Variants in SLC24A2 observed in about 807,000 individuals in gnomAD.
SLC24A2 encodes sodium/potassium/calcium exchanger 2.
SLC24A2 carries 36 observed loss-of-function variants against 62.0 expected under a neutral mutation model. The ratio of observed to expected loss-of-function variants is 0.58; its 90% CI spans 0.44 to 0.77. SLC24A2 has a LOEUF of 0.77. Among genes scored for constraint, SLC24A2 ranks in the 30% least tolerant of loss-of-function variants. The pLI is 0.00. For synonymous variants in SLC24A2, 358 were observed against 294.0 expected, an observed-to-expected ratio of 1.22 and a Z score of -2.23; for missense variants, 846 against 817.9, an observed-to-expected ratio of 1.03 and a Z score of -0.42.
intron 2 of SLC24A2, among the ~76,000 whole-genome samples, chr9:19,669,541 G>A (rs571664848): frequency 1.3e-5 from 2 of 152,316 alleles, no homozygotes; most frequent in South Asian, 4.1e-4. Context: ...ATCTTACATG[G>A]ATCTCACTGA....
At chr9:19,722,550 G>C (rs1417333813) in intron 2 of SLC24A2, among the ~76,000 whole-genome samples, 1 of 151,912 alleles carries the variant, frequency 6.6e-6, no homozygotes, top group Non-Finnish European at 1.5e-5. Flanking sequence ...AATCTTTAAA[G>C]GAATCATGGG....
At chr9:19,697,657 T>C (rs930163248) in intron 2 of SLC24A2, among the ~76,000 whole-genome samples, 2 of 152,194 alleles carry the variant, frequency 1.3e-5, no homozygotes, top group African/African-American at 4.8e-5. Flanking sequence ...AAATATTGTA[T>C]TATTATACCA....
intron 10 of SLC24A2, among the ~76,000 whole-genome samples, chr9:19,519,497 C>T (rs1011239303): frequency 1.3e-5 from 2 of 152,074 alleles, no homozygotes; most frequent in African/African-American, 4.8e-5. Context: ...AATATTTGGA[C>T]CACGGAACTG....
the SLC24A2 span, among the ~76,000 whole-genome samples, chr9:19,867,273 T>C: frequency 1.3e-5 from 2 of 152,192 alleles, no homozygotes; most frequent in African/African-American, 4.8e-5. Context: ...TTTCTTTAAG[T>C]AGCTTATAGA....
the SLC24A2 span, among the ~76,000 whole-genome samples, chr9:20,235,772 A>C: frequency 1.3e-5 from 2 of 152,224 alleles, no homozygotes; most frequent in Admixed American, 1.3e-4. Flanking sequence ...CAGTGAGATG[A>C]AACCAGTACC....
At chr9:19,834,386 T>G in the SLC24A2 span, among the ~76,000 whole-genome samples, 3 of 152,108 alleles carry the variant, frequency 2.0e-5, no homozygotes, top group Non-Finnish European at 4.4e-5. Flanking sequence ...TTAAAGGACC[T>G]GATGGAGCTG....
chr9:19,865,220 C>T, the SLC24A2 span, among the ~76,000 whole-genome samples: 1 of 152,054 alleles, frequency 6.6e-6, no homozygotes, highest in Non-Finnish European at 1.5e-5. Flanking sequence ...CATGTTCATG[C>T]ATTGGAACAA....
chr9:20,125,995 C>T, the SLC24A2 span, among the ~76,000 whole-genome samples: 1 of 152,182 alleles, frequency 6.6e-6, no homozygotes. Context: ...TTTTTCCTGC[C>T]ACTTCAGGGC....
chr9:20,055,110 G>A, the SLC24A2 span, among the ~76,000 whole-genome samples: 1 of 152,162 alleles, frequency 6.6e-6, no homozygotes, highest in African/African-American at 2.4e-5. Context: ...TGAGCATTCA[G>A]ACAGGCTCGA....
At chr9:19,604,625 A>C (rs995705687) in intron 4 of SLC24A2, among the ~76,000 whole-genome samples, 1 of 152,198 alleles carries the variant, frequency 6.6e-6, no homozygotes, top group Admixed American at 6.5e-5. Flanking sequence ...GAGGAAAACC[A>C]GTAAAATGAA....
At chr9:19,636,220 T>G (rs923007712) in intron 2 of SLC24A2, among the ~76,000 whole-genome samples, 2 of 152,126 alleles carry the variant, frequency 1.3e-5, no homozygotes, top group African/African-American at 4.8e-5. Flanking sequence ...CACACAGACA[T>G]TTATAAATAC....
chr9:20,077,441 A>T, the SLC24A2 span, among the ~76,000 whole-genome samples: 15 of 152,324 alleles, frequency 9.8e-5, no homozygotes, highest in Non-Finnish European at 1.6e-4. Flanking sequence ...TAAATAAAAA[A>T]AATGTTTTAA....
chr9:20,132,317 A>T, the SLC24A2 span, among the ~76,000 whole-genome samples: 1 of 152,174 alleles, frequency 6.6e-6, no homozygotes, highest in African/African-American at 2.4e-5. Context: ...CTGATGTGCT[A>T]TGTGAAAGAG....
At chr9:20,144,279 A>G in the SLC24A2 span, among the ~76,000 whole-genome samples, 1 of 152,206 alleles carries the variant, frequency 6.6e-6, no homozygotes, top group Admixed American at 6.5e-5. Context: ...AAACTGTACA[A>G]TAATTTTTTT....
At chr9:19,747,106 C>A (rs1821854932) in intron 2 of SLC24A2, among the ~76,000 whole-genome samples, 1 of 152,010 alleles carries the variant, frequency 6.6e-6, no homozygotes. Flanking sequence ...ATATAATAAC[C>A]AACAATCAAT....
At chr9:19,551,002 C>T (rs1411164637) in intron 7 of SLC24A2, among the ~76,000 whole-genome samples, 2 of 152,118 alleles carry the variant, frequency 1.3e-5, no homozygotes, top group Admixed American at 6.5e-5. Context: ...TCTCTTCTAG[C>T]TTTGGAATAT....
At chr9:19,876,246 C>T in the SLC24A2 span, among the ~76,000 whole-genome samples, 5 of 152,130 alleles carry the variant, frequency 3.3e-5, no homozygotes, top group African/African-American at 9.7e-5. Context: ...AATAAGACAT[C>T]ATTACATGAA....
chr9:20,027,266 A>C, the SLC24A2 span, among the ~76,000 whole-genome samples: 2 of 152,188 alleles, frequency 1.3e-5, no homozygotes, highest in Non-Finnish European at 2.9e-5. Flanking sequence ...TTAAAAATAG[A>C]ACTACCATAT....
chr9:19,663,512 T>C (rs537905627), intron 2 of SLC24A2, among the ~76,000 whole-genome samples: 1 of 152,156 alleles, frequency 6.6e-6, no homozygotes, highest in Non-Finnish European at 1.5e-5. Flanking sequence ...AGATGCCTCC[T>C]GACTTGTCAA....
Sources: allele counts gnomAD v4.1 joint callset (sites outside exome capture counted in the v4.1 genomes callset), GRCh38; gene constraint gnomAD v4.1.1; transcripts MANE v1.5; gene names NCBI Gene and HGNC (gene_info 2026-07-23, HGNC 2026-07-21).